The following PKIG variants were observed in gnomAD, a reference collection of about 807,000 sequenced individuals.
The protein encoded by PKIG is cAMP-dependent protein kinase inhibitor gamma, also known as protein kinase (cAMP-dependent, catalytic) inhibitor gamma.
Under a neutral mutation model 6.8 loss-of-function variants are expected in PKIG, and 1 was observed. The ratio of observed to expected loss-of-function variants is 0.15; its 90% CI spans 0.05 to 0.69. The LOEUF (loss-of-function observed/expected upper bound fraction) is 0.69, where lower values mean the gene tolerates loss of function less well. Ranked by LOEUF, PKIG falls within the 30% of genes least tolerant of loss-of-function variation. The pLI, the probability that PKIG is intolerant of heterozygous loss-of-function variation, is 0.82. For missense variants in PKIG, 77 were observed against 104.0 expected (o/e 0.74, Z 1.13); for synonymous variants, 39 against 43.0 (o/e 0.91, Z 0.36).
intron 1 of PKIG, among the ~76,000 whole-genome samples, chr20:44,542,305 T>G (rs1360698509): frequency 6.6e-6 from 1 of 152,112 alleles, no homozygotes; most frequent in Admixed American, 6.6e-5. Context: ...TTATAAAGCT[T>G]GGCCACTCGA....
chr20:44,617,024 AG>A lies in PKIG; in HGVS notation c.152-1259del, dbSNP rs1051538709. Among the ~76,000 whole-genome samples, 32 of 152,216 alleles carry A rather than the reference AG, an allele frequency of 2.1e-4. 1 individual carries two copies. Among genetic ancestry groups the A allele is most frequent in the African/African-American group, 7.5e-4 (31 of 41,460 alleles). On this transcript the variant is annotated intron_variant, in intron 3 of 3. Coordinates refer to ENST00000372886, the MANE Select transcript of PKIG (RefSeq NM_001281445.2). ...TAGAAGGGGTACTAGCCTTGGTGGC[AG>A]GCAGGGCTCTCCACCCTTGATCCAG...
chr20:44,616,448 G>A (rs2065265323), intron 3 of PKIG, among the ~76,000 whole-genome samples: 1 of 152,156 alleles, frequency 6.6e-6, no homozygotes, highest in Admixed American at 6.5e-5. Context: ...GCTGCCCTGG[G>A]CTCTCTCTCA....
intron 2 of PKIG, among the ~76,000 whole-genome samples, chr20:44,593,376 CA>C (rs2065050089): frequency 7.0e-6 from 1 of 143,488 alleles, no homozygotes; most frequent in Non-Finnish European, 1.5e-5. Context: ...CACACACACA[CA>C]CACACACACA....
At chr20:44,617,656 A>G (rs2065278465) in intron 3 of PKIG, among the ~76,000 whole-genome samples, 1 of 151,976 alleles carries the variant, frequency 6.6e-6, no homozygotes, top group Non-Finnish European at 1.5e-5. Flanking sequence ...GGTACAACAC[A>G]CACCCCATGA....
At chr20:44,542,986 C>T (rs1254270297) in intron 1 of PKIG, among the ~76,000 whole-genome samples, 1 of 152,210 alleles carries the variant, frequency 6.6e-6, no homozygotes, top group Non-Finnish European at 1.5e-5. Flanking sequence ...TGAAGAAGTG[C>T]ACTCTCAGAG....
rs2065250726 is a variant in PKIG, at chr20:44,614,898, G to A, written c.151+191G>A. The A allele has an allele frequency of 1.7e-6, 1 of 602,292 alleles. No individual in the cohort carries two copies. The highest frequency in any genetic ancestry group is 1.9e-5 in the African/African-American group (1 of 53,740). The allele number at this position is 602,292 out of a possible 1,614,324, so 37.3% of individuals were successfully genotyped here. On this transcript the variant is annotated intron_variant, in intron 3 of 3. Transcript: ENST00000372886. This position sits in a 1 kb window ranked among gnomAD's most constrained non-coding sequence, Gnocchi z 4.6. ...AAGATGTTTGAGTCTCAGGCCCCAA[G>A]GACTCCTCTGGACAGGCATCCGGGA...
At chr20:44,612,090 T>C (rs763551190) in intron 2 of PKIG, among the ~76,000 whole-genome samples, 1 of 152,190 alleles carries the variant, frequency 6.6e-6, no homozygotes, top group Non-Finnish European at 1.5e-5. Flanking sequence ...GGAGGTCAGA[T>C]GTCTTCTTGA....
chr20:44,590,652 T>C (rs2065026568), intron 2 of PKIG, among the ~76,000 whole-genome samples: 1 of 152,202 alleles, frequency 6.6e-6, no homozygotes, highest in Non-Finnish European at 1.5e-5. Flanking sequence ...TCAGCATCCA[T>C]GGATGTGGTT....
chr20:44,613,539 C>T (rs186504238), intron 2 of PKIG, among the ~76,000 whole-genome samples: 13 of 152,254 alleles, frequency 8.5e-5, no homozygotes, highest in Admixed American at 2.6e-4. Context: ...GACTTTATGC[C>T]CTCAAATATT....
rs148883889 is a variant in PKIG, at chr20:44,554,096, G to C, written c.-241+22118G>C. Among the ~76,000 whole-genome samples the C allele has an allele frequency of 4.5e-3, 675 of 151,546 alleles. 10 individuals carry two copies. Among genetic ancestry groups the C allele is most frequent in the African/African-American group, 0.016 (641 of 41,284 alleles). The stretch of plus-strand genomic sequence containing the variant: ...AAAAAATTTTTTTTTTTTTGAGACA[G>C]AATCTTGCTCTGTCGCCCAGGCTGG... On this transcript the variant is annotated intron_variant, in intron 1 of 4. Coordinates refer to the PKIG transcript ENST00000372887.
intron 1 of PKIG, among the ~76,000 whole-genome samples, chr20:44,576,476 T>C (rs988591994): frequency 6.6e-5 from 10 of 151,800 alleles, no homozygotes; most frequent in African/African-American, 1.7e-4. Context: ...GATGGCTGAG[T>C]AGGAGTTAAC....
intron 1 of PKIG, among the ~76,000 whole-genome samples, chr20:44,546,487 C>G (rs1882480199): frequency 6.6e-6 from 1 of 151,660 alleles, no homozygotes; most frequent in Admixed American, 6.6e-5. Flanking sequence ...TATTGTTGGT[C>G]ATTATAAATT....
At position 44,549,560 on chromosome 20, in the gene PKIG, C is replaced by T. The variant is rs953304571; in HGVS notation, c.-241+17582C>T. 3.9e-5 allele frequency among the ~76,000 whole-genome samples: 6 copies of T among 152,314 alleles called. No individual in the cohort carries two copies. The South Asian group carries it at 1.2e-3, about 32-fold the overall frequency. On this transcript the variant is annotated intron_variant, in intron 1 of 4. Transcript: ENST00000372887. ...CCATTTAAGGCTTGACGCTGTGGCT[C>T]ACACCTATAATCGCAGCACTTTGGG... is the stretch of plus-strand genomic sequence containing the variant.
chr20:44,580,599 C>T (rs1277320510), upstream of PKIG, among the ~76,000 whole-genome samples: 4 of 152,110 alleles, frequency 2.6e-5, no homozygotes, highest in South Asian at 6.2e-4. Context: ...CCACCCACCT[C>T]GGCCTCCCAA....
At chr20:44,586,053 G>A (rs1276870064) in intron 1 of PKIG, among the ~76,000 whole-genome samples, 1 of 152,144 alleles carries the variant, frequency 6.6e-6, no homozygotes, top group Admixed American at 6.5e-5. Flanking sequence ...GAGAGCTCTC[G>A]AGTTCAGTGA....
intron 2 of PKIG, among the ~76,000 whole-genome samples, chr20:44,603,862 A>G (rs2065142670): frequency 6.6e-6 from 1 of 152,242 alleles, no homozygotes; most frequent in Admixed American, 6.5e-5. Context: ...GTTAGGGCAT[A>G]TTAGTAATCA....
chr20:44,614,420 TAA>T lies in PKIG; in HGVS notation c.-23-113_-23-112del. On this transcript the variant is annotated intron_variant, in intron 2 of 3. Coordinates refer to ENST00000372886, the MANE Select transcript of PKIG (RefSeq NM_001281445.2). This position sits in a 1 kb window ranked among gnomAD's most constrained non-coding sequence, Gnocchi z 4.6. ...TCTGTGCTTTTTGCTTTGTTTTCAA[TAA>T]GAGGCAATAACTGTCATTTTGACAG... The T allele has an allele frequency of 1.4e-6, 1 of 728,522 alleles. No individual in the cohort carries two copies. 45.1% of individuals were successfully genotyped at this position (728,522 alleles called of 1,614,324 possible).
At chr20:44,609,709 G>C (rs1042265470) in intron 2 of PKIG, among the ~76,000 whole-genome samples, 1 of 152,212 alleles carries the variant, frequency 6.6e-6, no homozygotes, top group African/African-American at 2.4e-5. Context: ...TTCCCGTGGA[G>C]CTGACAGTCT....
intron 1 of PKIG, among the ~76,000 whole-genome samples, chr20:44,565,049 T>G (rs7346067): frequency 6.6e-6 from 1 of 152,248 alleles, no homozygotes; most frequent in East Asian, 1.9e-4. Flanking sequence ...CTACTTGTTC[T>G]TGGATGAATG....
Sources: allele counts gnomAD v4.1 joint callset (sites outside exome capture counted in the v4.1 genomes callset), GRCh38; gene constraint gnomAD v4.1.1; non-coding constraint Gnocchi (gnomAD v3.1); transcripts MANE v1.5; gene names NCBI Gene and HGNC (gene_info 2026-07-23, HGNC 2026-07-21).